Variants in LMCD1 observed in about 807,000 individuals in gnomAD.
LMCD1 encodes the protein LIM and cysteine rich domains 1, also known as LIM and cysteine-rich domains protein 1.
LMCD1 carries 32 observed loss-of-function variants against 42.7 expected under a neutral mutation model. That is an observed-to-expected ratio of 0.75 (90% CI 0.57 to 1.01). The LOEUF (loss-of-function observed/expected upper bound fraction) is 1.01. Among genes scored for constraint, LMCD1 ranks in the 50% least tolerant of loss-of-function variants. LMCD1 has a pLI of 0.00. For synonymous variants in LMCD1, 178 were observed against 184.9 expected, an observed-to-expected ratio of 0.96 and a Z score of 0.30; for missense variants, 458 against 483.1, an observed-to-expected ratio of 0.95 and a Z score of 0.49.
chr3:8,548,288 A>C (rs921809409), intron 3 of LMCD1, among the ~76,000 whole-genome samples: 4 of 152,114 alleles, frequency 2.6e-5, no homozygotes, highest in African/African-American at 9.7e-5. Flanking sequence ...CTCCCTACAT[A>C]CACAAGGTAG....
At position 8,572,084 on chromosome 3, in the gene LMCD1, A is replaced by T. The variant is rs1328951428; in HGVS notation, c.*4486A>T. On this transcript the variant is annotated 3_prime_UTR_variant, in exon 6 of 6. Coordinates refer to ENST00000157600, the MANE Select transcript of LMCD1 (RefSeq NM_014583.4). The stretch of plus-strand genomic sequence containing the variant: ...CTCATTCTATTTAGTTATCTTGTCT[A>T]TTCTTCAATTTGGAAGTGTTCTTTG... The T allele has an allele frequency of 6.6e-6, 1 of 152,196 alleles. No individual in the cohort carries two copies. The highest frequency in any genetic ancestry group is 1.5e-5 in the Non-Finnish European group (1 of 68,012). 9.4% of individuals were successfully genotyped at this position (152,196 alleles called of 1,614,324 possible). A position where few individuals can be genotyped will look rare whatever the true frequency, so the allele number is the denominator to read the frequency against.
intron 1 of LMCD1, among the ~76,000 whole-genome samples, chr3:8,518,213 G>C (rs1168365168): frequency 6.6e-6 from 1 of 152,220 alleles, no homozygotes; most frequent in Non-Finnish European, 1.5e-5. Context: ...TGGATCAAGG[G>C]ATATTCCAAA....
chr3:8,530,055 G>T (rs905049592), intron 1 of LMCD1, among the ~76,000 whole-genome samples: 1 of 152,196 alleles, frequency 6.6e-6, no homozygotes, highest in Non-Finnish European at 1.5e-5. Flanking sequence ...TAAAGCCTGG[G>T]TCTCCAAACC....
In LMCD1 at chr3:8,571,639, T is replaced by C. The variant is rs1253640240; in HGVS notation, c.*4041T>C. 6.6e-6 allele frequency: 1 copy of C among 152,256 alleles called. No individual in the cohort carries two copies. Among genetic ancestry groups the C allele is most frequent in the Non-Finnish European group, 1.5e-5 (1 of 68,060 alleles). 9.4% of individuals were successfully genotyped at this position (152,256 alleles called of 1,614,324 possible). ...CCACTCCCCTTTATGTAAATTGGCTTTGCCAACCTGGTCTGCAGCTGGAGA... is the reference window on the plus strand; with the variant it reads ...CCACTCCCCTTTATGTAAATTGGCTCTGCCAACCTGGTCTGCAGCTGGAGA... On this transcript the variant is annotated 3_prime_UTR_variant, in exon 6 of 6. Transcript: ENST00000157600.
chr3:8,530,047 A>T (rs917843641), intron 1 of LMCD1, among the ~76,000 whole-genome samples: 4 of 152,192 alleles, frequency 2.6e-5, no homozygotes, highest in African/African-American at 9.7e-5. Flanking sequence ...CCCGGGACTA[A>T]AGCCTGGGTC....
At chr3:8,507,139 G>A (rs530563613) in intron 1 of LMCD1, among the ~76,000 whole-genome samples, 1 of 152,318 alleles carries the variant, frequency 6.6e-6, no homozygotes, top group Non-Finnish European at 1.5e-5. Context: ...ACTCCTTCAA[G>A]AGCACAACAT....
Position 8,574,338 on chromosome 3 carries a change from C to A in LMCD1, c.*6740C>A, listed in dbSNP as rs1379590588. The A allele has an allele frequency of 1.3e-5, 2 of 152,278 alleles. No homozygotes were observed. The highest frequency in any genetic ancestry group is 1.3e-4 in the Admixed American group (2 of 15,274). The allele number at this position is 152,278 out of a possible 1,614,324, so 9.4% of individuals were successfully genotyped here. On this transcript the variant is annotated 3_prime_UTR_variant, in exon 6 of 6. Coordinates refer to ENST00000157600, the MANE Select transcript of LMCD1 (RefSeq NM_014583.4). ...GGAGGGATTAGAAAAGACAGCCACA[C>A]CCAAATCTCATGAAGCAGTCCCCTT...
intron 4 of LMCD1, among the ~76,000 whole-genome samples, chr3:8,561,091 AG>A (rs578243724): frequency 6.6e-6 from 1 of 152,364 alleles, no homozygotes; most frequent in South Asian, 2.1e-4. Context: ...ATATAAGTTA[AG>A]AATAGTAAGT....
chr3:8,563,885 C>T (rs189869215), intron 4 of LMCD1, among the ~76,000 whole-genome samples: 5 of 152,320 alleles, frequency 3.3e-5, no homozygotes, highest in South Asian at 2.1e-4. Flanking sequence ...TTCCTCCCAA[C>T]GTACTCATCA....
chr3:8,559,962 C>G (rs1319007013), intron 4 of LMCD1, among the ~76,000 whole-genome samples: 1 of 152,194 alleles, frequency 6.6e-6, no homozygotes, highest in African/African-American at 2.4e-5. Context: ...AATGCTCCTC[C>G]AAGAGGGGCT....
At chr3:8,530,771 G>T (rs1001949253) in intron 1 of LMCD1, among the ~76,000 whole-genome samples, 4 of 152,250 alleles carry the variant, frequency 2.6e-5, no homozygotes, top group Non-Finnish European at 4.4e-5. Context: ...AATGAGCAAG[G>T]TTATATGCCA....
intron 4 of LMCD1, among the ~76,000 whole-genome samples, chr3:8,559,525 A>T (rs1194217857): frequency 2.2e-4 from 33 of 152,184 alleles, no homozygotes. Flanking sequence ...ACAGCTATGA[A>T]CCCAGGCAGT....
rs571243499 is a variant in LMCD1 at position 8,540,883 on chromosome 3, G to A, written c.387+3443G>A. 7.9e-5 allele frequency among the ~76,000 whole-genome samples: 12 copies of A among 152,194 alleles called. No homozygotes were observed. The South Asian group carries it at 1.2e-3, about 16-fold the overall frequency. On this transcript the variant is annotated intron_variant, in intron 3 of 5. Transcript: ENST00000157600. Reference sequence around the variant, plus strand: ...CAGGGGTGGCACTTACTCATACCTCGCCCTCTGCTTCCAGACCCATGGCAG... The same window carrying A: ...CAGGGGTGGCACTTACTCATACCTCACCCTCTGCTTCCAGACCCATGGCAG...
chr3:8,541,125 CCAGGGTA>C (rs1332889191), intron 3 of LMCD1, among the ~76,000 whole-genome samples: 1 of 152,166 alleles, frequency 6.6e-6, no homozygotes, highest in African/African-American at 2.4e-5. Flanking sequence ...ACTGCCTAAT[CCAGGGTA>C]CAGGAGTGCC....
chr3:8,526,706 G>C (rs1409164874), intron 1 of LMCD1, among the ~76,000 whole-genome samples: 1 of 152,196 alleles, frequency 6.6e-6, no homozygotes, highest in African/African-American at 2.4e-5. Flanking sequence ...CTGCTGCTTA[G>C]AGACCACACC....
At chr3:8,509,165 G>T (rs754259312) in intron 1 of LMCD1, among the ~76,000 whole-genome samples, 17 of 152,118 alleles carry the variant, frequency 1.1e-4, no homozygotes, top group Non-Finnish European at 2.1e-4. Context: ...TGCTGTTATG[G>T]ATACCCCCTC....
At position 8,543,989 on chromosome 3, in the gene LMCD1, G is replaced by A. The variant is rs758636378; in HGVS notation, c.388-4579G>A. Among the ~76,000 whole-genome samples, 7 of 152,182 alleles carry A rather than the reference G, an allele frequency of 4.6e-5. No homozygotes were observed. In the East Asian group the frequency reaches 5.8e-4, roughly 13 times the overall value. On this transcript the variant is annotated intron_variant, in intron 3 of 5. Transcript: ENST00000157600. ...CAGTCTCCTAAGACGGGGTCAGGAC[G>A]AAGCCCTTCCCAGATGTTGCTGCAG...
At chr3:8,534,879 G>A (rs1694481608) in intron 2 of LMCD1, among the ~76,000 whole-genome samples, 1 of 152,214 alleles carries the variant, frequency 6.6e-6, no homozygotes, top group Non-Finnish European at 1.5e-5. Flanking sequence ...CACATGAAGA[G>A]TGTGAATAAA....
chr3:8,509,010 G>A (rs939102535), intron 1 of LMCD1, among the ~76,000 whole-genome samples: 6 of 152,160 alleles, frequency 3.9e-5, no homozygotes, highest in Admixed American at 1.3e-4. Flanking sequence ...TGCAAACTTC[G>A]CCAAGTTACT....
Sources: gnomAD v4.1 joint callset for allele counts (sites outside exome capture counted in the v4.1 genomes callset) on GRCh38, gnomAD v4.1.1 for gene constraint, MANE v1.5 for transcripts, NCBI Gene and HGNC (gene_info 2026-07-23, HGNC 2026-07-21) for gene names.